AK7: variants seen among roughly 807,000 people sequenced by gnomAD.
The protein encoded by AK7 is ATP-AMP transphosphorylase 7.
In AK7, 78 loss-of-function variants were observed where a neutral mutation model predicts 96.6. That is an observed-to-expected ratio of 0.81 (90% CI 0.67 to 0.97). The LOEUF is 0.97. Among genes scored for constraint, AK7 ranks in the 50% least tolerant of loss-of-function variants. AK7 has a pLI of 0.00. For missense variants in AK7, 855 were observed against 887.9 expected (o/e 0.96, Z 0.47); for synonymous variants, 302 against 317.2 (o/e 0.95, Z 0.51).
intron 5 of AK7, chr14:96,423,865 C>T: frequency 1.1e-6 from 1 of 870,004 alleles, no homozygotes; most frequent in Non-Finnish European, 2.0e-6. Flanking sequence ...CGTCACATTT[C>T]AGCGGCCTGT....
At chr14:96,434,782 G>A (rs533644534) in intron 5 of AK7, among the ~76,000 whole-genome samples, 5 of 152,010 alleles carry the variant, frequency 3.3e-5, no homozygotes, top group African/African-American at 7.3e-5. Context: ...ATTGTATTGC[G>A]GCTGAGCTAG....
chr14:96,468,359 G>A (rs190827589), intron 12 of AK7, among the ~76,000 whole-genome samples: 1 of 141,806 alleles, frequency 7.1e-6, no homozygotes, highest in East Asian at 2.1e-4. Flanking sequence ...TGGAGTGCGC[G>A]ATCTCGGCTC....
intron 2 of AK7, 129 bp downstream of exon 2, chr14:96,398,392 A>G: frequency 1.1e-6 from 1 of 948,448 alleles, no homozygotes; most frequent in Non-Finnish European, 1.6e-6. Context: ...AGGTTGAGGG[A>G]ATGGCTTTCT....
Position 96,442,761 on chromosome 14 carries a change from C to A in AK7, c.722C>A (p.Pro241Gln). Residue 241 changes from proline (P) to glutamine (Q), a missense_variant, in exon 7 of 18, where the codon CCA (proline) becomes CAA (glutamine). By Grantham distance (76) the Pro-to-Gln change is moderately conservative. Transcript: ENST00000267584. ...MAWLGEIPAL[P>Q]VFGDGTNVIP... Reference sequence around the variant, plus strand: ...TGGTTGGGCGAGATTCCTGCATTACCAGTTTTTGGCGATGGAACAAATGTA... The same window carrying A: ...TGGTTGGGCGAGATTCCTGCATTACAAGTTTTTGGCGATGGAACAAATGTA... The A allele has an allele frequency of 6.2e-7, 1 of 1,614,198 alleles. No individual in the cohort carries two copies. The highest frequency in any genetic ancestry group is 1.6e-4 in the Middle Eastern group (1 of 6,062).
At chr14:96,436,164 G>A (rs1892625912) in intron 5 of AK7, among the ~76,000 whole-genome samples, 1 of 152,170 alleles carries the variant, frequency 6.6e-6, no homozygotes, top group Non-Finnish European at 1.5e-5. Context: ...GTTAACAGGT[G>A]TTTGGGGGCA....
At chr14:96,422,537 A>T (rs1357939050) in intron 5 of AK7, among the ~76,000 whole-genome samples, 2 of 152,110 alleles carry the variant, frequency 1.3e-5, no homozygotes, top group African/African-American at 4.8e-5. Flanking sequence ...GGCTCCCCAC[A>T]AGGGTCGCAT....
rs149041289 is a variant in AK7, at chr14:96,404,852, C to T, written c.390C>T (p.Ile130=). The change falls in exon 3 of 18, where the codon ATC becomes ATT. Residue 130 remains isoleucine, a synonymous_variant. Coordinates refer to ENST00000267584, the MANE Select transcript of AK7 (RefSeq NM_152327.5). ...GCTCACAGCAAATGGAGGAAGCCAT[C>T]TGGGCAGTCTCTGGTCAGTGAGGTG... ...TESSQQMEEA[I]WAVSALSEEV... The T allele has an allele frequency of 1.2e-6, 2 of 1,608,998 alleles. No individual in the cohort carries two copies. The highest frequency in any genetic ancestry group is 2.7e-5 in the African/African-American group (2 of 74,828).
intron 4 of AK7, among the ~76,000 whole-genome samples, chr14:96,419,296 CAAAGAAAAAA>C (rs1294601694): frequency 5.4e-5 from 8 of 148,948 alleles, no homozygotes; most frequent in Non-Finnish European, 1.2e-4. Flanking sequence ...GCCCATGTGG[CAAAGAAAAAA>C]AAAGAAAAAA....
intron 13 of AK7, among the ~76,000 whole-genome samples, chr14:96,471,837 T>C (rs74090321): frequency 0.018 from 2,746 of 152,152 alleles, 82 homozygotes; most frequent in African/African-American, 0.061. Flanking sequence ...TTTTATTGTA[T>C]TGTGGCACAA....
chr14:96,421,461 T>G (rs1891688040), intron 5 of AK7: 1 of 152,184 alleles, frequency 6.6e-6, no homozygotes, highest in Non-Finnish European at 1.5e-5. Flanking sequence ...TTTCCTGGCG[T>G]GGAGCTGAGA....
intron 12 of AK7, among the ~76,000 whole-genome samples, chr14:96,464,101 C>G (rs1360321839): frequency 3.9e-5 from 6 of 152,038 alleles, no homozygotes; most frequent in African/African-American, 9.7e-5. Flanking sequence ...AGAGACTACT[C>G]TATTACAGAG....
rs574599095 is a variant in AK7, at chr14:96,481,704, C to CTT, written c.1754-1278_1754-1277dup. Among the ~76,000 whole-genome samples the CTT allele has an allele frequency of 6.8e-3, 903 of 133,004 alleles. 11 individuals carry two copies. The highest frequency in any genetic ancestry group is 0.023 in the African/African-American group (828 of 35,356). The allele number at this position is 133,004 out of a possible 152,430, so 87.3% of individuals were successfully genotyped here. ...GAGGAGCTACCGATATGACTTTTAC[C>CTT]TTTTTTTTTTTTTTTTTTGAGACAA... is the stretch of plus-strand genomic sequence containing the variant. On this transcript the variant is annotated intron_variant, in intron 15 of 17. Coordinates refer to ENST00000267584, the MANE Select transcript of AK7 (RefSeq NM_152327.5).
At chr14:96,441,273 T>C (rs1372006016) in intron 6 of AK7, among the ~76,000 whole-genome samples, 1 of 151,976 alleles carries the variant, frequency 6.6e-6, no homozygotes. Flanking sequence ...ATTGTCAGGG[T>C]GAAATTCAAC....
chr14:96,471,285 C>T (rs574664123), intron 12 of AK7, among the ~76,000 whole-genome samples, 193 bp from the exon 13 acceptor site: 2 of 148,828 alleles, frequency 1.3e-5, no homozygotes, highest in African/African-American at 5.0e-5. Context: ...GAGCTATGAC[C>T]ACACCACTGC....
At chr14:96,481,569 C>T (rs1895503653) in intron 15 of AK7, among the ~76,000 whole-genome samples, 1 of 152,014 alleles carries the variant, frequency 6.6e-6, no homozygotes, top group Non-Finnish European at 1.5e-5. Context: ...TGGTCTCAAA[C>T]TCCTGGCCTC....
intron 12 of AK7, among the ~76,000 whole-genome samples, chr14:96,460,675 C>G (rs1269311035): frequency 6.6e-6 from 1 of 152,190 alleles, no homozygotes; most frequent in Non-Finnish European, 1.5e-5. Flanking sequence ...GGGTTGGAGA[C>G]CTAGTTTCCC....
At chr14:96,457,218 G>A (rs1174537397) in intron 11 of AK7, among the ~76,000 whole-genome samples, 4 of 151,818 alleles carry the variant, frequency 2.6e-5, no homozygotes, top group Non-Finnish European at 5.9e-5. Context: ...GTGCCACTAT[G>A]CCCGGCTAAT....
intron 1 of AK7, among the ~76,000 whole-genome samples, chr14:96,392,824 G>A (rs1372318173): frequency 1.3e-5 from 2 of 151,590 alleles, no homozygotes; most frequent in Admixed American, 6.6e-5. Context: ...CACCGCGCCC[G>A]GCTAATTTTT....
Position 96,420,837 on chromosome 14 carries a change from C to G in AK7, c.514C>G (p.Pro172Ala). The change falls in exon 5 of 18, where the codon CCA becomes GCA. Residue 172 changes from proline to alanine, a missense_variant. By Grantham distance (27) the Pro-to-Ala change is conservative. Coordinates refer to ENST00000267584, the MANE Select transcript of AK7 (RefSeq NM_152327.5). ...KALDPEDSEV[P>A]FTEEDYRRRK... is the part of the protein sequence containing the mutation. ...CTTATAATAGGAGGATTCTGAGGTT[C>G]CATTCACTGAAGAAGATTATCGAAG... The G allele has an allele frequency of 6.2e-7, 1 of 1,611,472 alleles. No homozygotes were observed.
Sources: allele counts gnomAD v4.1 joint callset (sites outside exome capture counted in the v4.1 genomes callset), GRCh38; gene constraint gnomAD v4.1.1; transcripts MANE v1.5; gene names NCBI Gene and HGNC (gene_info 2026-07-23, HGNC 2026-07-21).